The following CACNA2D4 variants were observed in gnomAD, a reference collection of about 807,000 sequenced individuals.
The protein encoded by CACNA2D4 is voltage-dependent calcium channel subunit alpha-2/delta-4.
Under a neutral mutation model 163.8 loss-of-function variants are expected in CACNA2D4, and 157 were observed. The observed-to-expected ratio is 0.96, with a 90% CI of 0.84 to 1.09. The LOEUF (loss-of-function observed/expected upper bound fraction) is 1.09, where lower values mean the gene tolerates loss of function less well. CACNA2D4 is among the 50% of genes least tolerant of loss of function. The pLI, the probability that CACNA2D4 is intolerant of heterozygous loss-of-function variation, is 0.00. For synonymous variants in CACNA2D4, 598 were observed against 586.9 expected (o/e 1.02, Z -0.27); for missense variants, 1,410 against 1,479.9 (o/e 0.95, Z 0.78).
Position 1,815,646 on chromosome 12 carries a change from G to A in CACNA2D4, c.2552-3923C>T, listed in dbSNP as rs559595145. Among the ~76,000 whole-genome samples the A allele has an allele frequency of 2.4e-4, 34 of 144,316 alleles. 1 individual carries two copies. Among genetic ancestry groups the A allele is most frequent in the Admixed American group, 4.0e-4 (6 of 14,948 alleles). The allele number at this position is 144,316 out of a possible 152,430, so 94.7% of individuals were successfully genotyped here. ...ACTCCATAAATTTTTCTTGAGCTAC[G>A]TAAGCAAATTCAATTTGAGCCAGCC... On this transcript the variant is annotated intron_variant, in intron 26 of 37. Coordinates refer to ENST00000382722, the MANE Select transcript of CACNA2D4 (RefSeq NM_172364.5).
chr12:1,907,665 GGCGTGTCTGGTAA>G (rs1390329246), intron 5 of CACNA2D4, 94 bp from the exon 6 acceptor site: 32 of 1,048,428 alleles, frequency 3.1e-5, no homozygotes, highest in Non-Finnish European at 2.5e-5. Context: ...GTGTCTGGTG[GGCGTGTCTGGTAA>G]GCGTGCCTGG....
chr12:1,817,660 T>A lies in CACNA2D4; in HGVS notation c.2552-5937A>T, dbSNP rs1178212175. Reference sequence around the variant, plus strand: ...CGCCACGCCTGACTGGTTTTCATATTTTTTTGGTGGAGACGGGGTTTCGCT... The same window carrying A: ...CGCCACGCCTGACTGGTTTTCATATATTTTTGGTGGAGACGGGGTTTCGCT... On this transcript the variant is annotated intron_variant, in intron 26 of 37. Transcript: ENST00000382722. Among the ~76,000 whole-genome samples the A allele has an allele frequency of 3.9e-5, 6 of 152,166 alleles. 1 individual carries two copies. Among genetic ancestry groups the A allele is most frequent in the Non-Finnish European group, 8.8e-5 (6 of 68,030 alleles).
intron 6 of CACNA2D4, among the ~76,000 whole-genome samples, chr12:1,896,375 ACAACT>A (rs1354024610): frequency 6.6e-6 from 1 of 152,206 alleles, no homozygotes; most frequent in Non-Finnish European, 1.5e-5. Flanking sequence ...AGAAACTCAA[ACAACT>A]CAACAGTAAA....
chr12:1,863,847 G>A (rs779854383), intron 18 of CACNA2D4, among the ~76,000 whole-genome samples: 1 of 151,052 alleles, frequency 6.6e-6, no homozygotes, highest in Non-Finnish European at 1.5e-5. Context: ...TGTACACAGC[G>A]CAGAAACAGG....
chr12:1,911,021 AT>A (rs374264665), intron 3 of CACNA2D4, among the ~76,000 whole-genome samples: 10,500 of 133,190 alleles, frequency 0.079, 622 homozygotes, highest in African/African-American at 0.22. Context: ...CCGCAATACA[AT>A]TTTTTTTTTT....
intron 26 of CACNA2D4, among the ~76,000 whole-genome samples, chr12:1,822,527 G>A (rs1864147699): frequency 6.6e-6 from 1 of 152,166 alleles, no homozygotes; most frequent in South Asian, 2.1e-4. Context: ...CCTCCTTCAT[G>A]TCAGGGACCA....
chr12:1,908,530 G>A (rs1368394077), intron 4 of CACNA2D4, among the ~76,000 whole-genome samples: 3 of 152,042 alleles, frequency 2.0e-5, no homozygotes, highest in Non-Finnish European at 4.4e-5. Flanking sequence ...GTTGGAGGGC[G>A]TGCTAGGATT....
chr12:1,851,684 T>G (rs1448451545), intron 23 of CACNA2D4, among the ~76,000 whole-genome samples: 3 of 117,720 alleles, frequency 2.5e-5, no homozygotes, highest in Non-Finnish European at 5.3e-5. Context: ...TGTGCGTTTT[T>G]TTTTTTTTTT....
Position 1,795,688 on chromosome 12 carries a change from T to A in CACNA2D4, c.3206A>T (p.Gln1069Leu), listed in dbSNP as rs886049122. The change falls in exon 36 of 38, where the codon CAG (glutamine) becomes CTG (leucine). Residue 1069 changes from glutamine (Q) to leucine (L), a missense_variant. Coordinates refer to ENST00000382722, the MANE Select transcript of CACNA2D4 (RefSeq NM_172364.5). ...CDCSIFPPVL[Q>L]EATEVKYNAS... is the part of the protein sequence containing the mutation. ...GATATATTTGACTTCTGTCGCCTCC[T>A]GCAGCACTGGTGGGAAGATGCTGCA... 5 of 1,612,256 alleles carry A rather than the reference T, an allele frequency of 3.1e-6. No homozygotes were observed. Among genetic ancestry groups the A allele is most frequent in the Middle Eastern group, 3.4e-4 (2 of 5,920 alleles).
chr12:1,918,155 G>A (rs2070625116), intron 1 of CACNA2D4, 92 bp downstream of exon 1: 3 of 891,986 alleles, frequency 3.4e-6, no homozygotes, highest in Non-Finnish European at 3.6e-6. Context: ...GGGCAGGGGC[G>A]GGAGGAGTGG....
chr12:1,816,582 T>A (rs1336845398), intron 26 of CACNA2D4, among the ~76,000 whole-genome samples: 1 of 152,194 alleles, frequency 6.6e-6, no homozygotes, highest in Non-Finnish European at 1.5e-5. Context: ...AGCTTTCCTG[T>A]AAGATCGCAG....
In CACNA2D4 at chr12:1,801,127, C is replaced by G. The variant is rs568797837; in HGVS notation, c.2793-9G>C. ...AGTCATACATAGTCACTCTGAAAATCAGAAGCGGGCTGTGATGAGTCCAAA... is the reference window on the plus strand; with the variant it reads ...AGTCATACATAGTCACTCTGAAAATGAGAAGCGGGCTGTGATGAGTCCAAA... On this transcript the variant is annotated splice_polypyrimidine_tract_variant and intron_variant, in intron 30 of 37. Coordinates refer to ENST00000382722, the MANE Select transcript of CACNA2D4 (RefSeq NM_172364.5). 3 of 1,613,706 alleles carry G rather than the reference C, an allele frequency of 1.9e-6. No individual in the cohort carries two copies. The highest frequency in any genetic ancestry group is 2.2e-5 in the South Asian group (2 of 91,068).
chr12:1,855,365 A>G (rs571716605), intron 22 of CACNA2D4, among the ~76,000 whole-genome samples: 1 of 152,264 alleles, frequency 6.6e-6, no homozygotes, highest in South Asian at 2.1e-4. Context: ...ATGTGACAGG[A>G]TGACCTGCTC....
rs1008324184 is a variant in CACNA2D4 at position 1,875,655 on chromosome 12, A to G, written c.1720-318T>C. Among the ~76,000 whole-genome samples, 1 of 152,120 alleles carries G rather than the reference A, an allele frequency of 6.6e-6. No individual in the cohort carries two copies. Among genetic ancestry groups the G allele is most frequent in the Non-Finnish European group, 1.5e-5 (1 of 68,008 alleles). On this transcript the variant is annotated intron_variant, in intron 16 of 37. Transcript: ENST00000382722. This position sits in a 1 kb window ranked among gnomAD's most constrained non-coding sequence, Gnocchi z 4.0. ...AAGTTCCTCCTCACACAAAGCTGAA[A>G]TCCATCTCCCTGTTACTTCCATCCA...
intron 26 of CACNA2D4, 124 bp downstream of exon 26, chr12:1,840,614 TC>T: frequency 1.4e-6 from 1 of 716,162 alleles, no homozygotes. Flanking sequence ...CTTCCACCCA[TC>T]CCACATTCCA....
In CACNA2D4 at chr12:1,834,140, C is replaced by T; in HGVS notation, c.2551+6599G>A. The stretch of plus-strand genomic sequence containing the variant: ...GCTTCCTCTTCTATAGATGGTGATT[C>T]CAGGATTGACTACATTGCTGATAAA... On this transcript the variant is annotated intron_variant, in intron 26 of 37. Transcript: ENST00000382722. The surrounding 1 kb of genome is among the most constrained non-coding windows in gnomAD (Gnocchi z 7.6). 1 of 1,101,526 alleles carries T rather than the reference C, an allele frequency of 9.1e-7. No homozygotes were observed. Among genetic ancestry groups the T allele is most frequent in the South Asian group, 1.7e-5 (1 of 57,354 alleles). 68.2% of individuals were successfully genotyped at this position (1,101,526 alleles called of 1,614,324 possible). A position where few individuals can be genotyped will look rare whatever the true frequency, so the allele number is the denominator to read the frequency against.
chr12:1,862,673 G>A (rs746866208), intron 18 of CACNA2D4, among the ~76,000 whole-genome samples: 14 of 152,158 alleles, frequency 9.2e-5, no homozygotes, highest in Admixed American at 8.5e-4. Context: ...TCGGCCTCCC[G>A]AAGTGTTGGG....
chr12:1,844,717 T>C lies in CACNA2D4; in HGVS notation c.2343-188A>G, dbSNP rs1183485091. On this transcript the variant is annotated intron_variant, in intron 24 of 37. Transcript: ENST00000382722. The surrounding 1 kb of genome is among the most constrained non-coding windows in gnomAD (Gnocchi z 4.2). ...AGAAACAAAACGATGTCATGTTGCA[T>C]CTAGCTAGCAGCTGGAAGAGGCATA... Among the ~76,000 whole-genome samples, 2 of 152,206 alleles carry C rather than the reference T, an allele frequency of 1.3e-5. No homozygotes were observed. The highest frequency in any genetic ancestry group is 2.4e-5 in the African/African-American group (1 of 41,452).
At chr12:1,885,853 A>T in intron 9 of CACNA2D4, 112 bp downstream of exon 9, 1 of 753,320 alleles carries the variant, frequency 1.3e-6, no homozygotes, top group Non-Finnish European at 2.3e-6. Context: ...CTCTCATTCC[A>T]GGTGCCATGG....
Sources: gnomAD v4.1 joint callset for allele counts (sites outside exome capture counted in the v4.1 genomes callset) on GRCh38, gnomAD v4.1.1 for gene constraint, Gnocchi (gnomAD v3.1) non-coding constraint, MANE v1.5 for transcripts, NCBI Gene and HGNC (gene_info 2026-07-23, HGNC 2026-07-21) for gene names.